SH3GL3: variants seen among roughly 807,000 people sequenced by gnomAD.
SH3GL3 encodes the protein SH3 domain containing GRB2 like 3, endophilin A3, also known as endophilin-A3.
In SH3GL3, 33 loss-of-function variants were observed where a neutral mutation model predicts 47.7. That is an observed-to-expected ratio of 0.69 (90% confidence interval 0.52 to 0.92). The LOEUF (loss-of-function observed/expected upper bound fraction) is 0.92, where lower values mean the gene tolerates loss of function less well. Ranked by LOEUF, SH3GL3 falls within the 40% of genes least tolerant of loss-of-function variation. The pLI is 0.00. For synonymous variants in SH3GL3, 155 were observed against 148.8 expected (o/e 1.04, Z -0.30); for missense variants, 363 against 417.8 (o/e 0.87, Z 1.14).
At chr15:83,595,618 GTTT>G (rs33947427) in intron 8 of SH3GL3, among the ~76,000 whole-genome samples, 74 of 144,192 alleles carry the variant, frequency 5.1e-4, no homozygotes, top group Middle Eastern at 3.6e-3. Context: ...GTTACTCCTT[GTTT>G]TTTTTTTTTT....
At chr15:83,585,765 G>A (rs2059938283) in intron 6 of SH3GL3, among the ~76,000 whole-genome samples, 1 of 152,178 alleles carries the variant, frequency 6.6e-6, no homozygotes, top group Non-Finnish European at 1.5e-5. Context: ...AACCCGACAG[G>A]ATTTCATTGT....
intron 1 of SH3GL3, among the ~76,000 whole-genome samples, chr15:83,456,373 C>A (rs1198516550): frequency 2.5e-5 from 1 of 39,994 alleles, no homozygotes; most frequent in Admixed American, 2.4e-4. Context: ...TTTACCTAAT[C>A]AAGCCTGGGC....
chr15:83,534,276 C>G (rs1596199448), intron 1 of SH3GL3, among the ~76,000 whole-genome samples: 1 of 152,180 alleles, frequency 6.6e-6, no homozygotes, highest in East Asian at 1.9e-4. Context: ...AAACTGTGAG[C>G]TAAATAAATA....
chr15:83,626,383 C>T, the SH3GL3 span, among the ~76,000 whole-genome samples: 473 of 152,302 alleles, frequency 3.1e-3, 6 homozygotes, highest in Non-Finnish European at 4.9e-3. Flanking sequence ...CTCCTGACCA[C>T]GCCATGACTT....
intron 1 of SH3GL3, among the ~76,000 whole-genome samples, chr15:83,494,645 C>T (rs148936236): frequency 0.011 from 1,741 of 151,498 alleles, 17 homozygotes; most frequent in Non-Finnish European, 0.015. Context: ...CGGGTTCAAG[C>T]GATTCTCCTG....
At chr15:83,568,694 T>TG in intron 4 of SH3GL3, 22 bp downstream of exon 4, 1 of 1,604,490 alleles carries the variant, frequency 6.2e-7, no homozygotes, top group Non-Finnish European at 8.5e-7. Context: ...AGAGATCAGC[T>TG]GGGGGAGCTG....
At chr15:83,555,443 G>T (rs2044899198) in intron 1 of SH3GL3, among the ~76,000 whole-genome samples, 2 of 152,108 alleles carry the variant, frequency 1.3e-5, no homozygotes, top group South Asian at 4.2e-4. Flanking sequence ...GATCTAGGAT[G>T]AATTTTAATT....
At chr15:83,538,527 A>G (rs190208329) in intron 1 of SH3GL3, among the ~76,000 whole-genome samples, 18 of 152,306 alleles carry the variant, frequency 1.2e-4, no homozygotes, top group Non-Finnish European at 1.6e-4. Context: ...AGTAACTACC[A>G]CACCAGCTTC....
chr15:83,497,068 A>G (rs1176524234), intron 1 of SH3GL3, among the ~76,000 whole-genome samples: 1 of 152,132 alleles, frequency 6.6e-6, no homozygotes, highest in Non-Finnish European at 1.5e-5. Flanking sequence ...CTTCTCTGCT[A>G]TACAGGGTCT....
At chr15:83,559,528 T>A (rs1467330070) in intron 2 of SH3GL3, among the ~76,000 whole-genome samples, 1 of 152,098 alleles carries the variant, frequency 6.6e-6, no homozygotes, top group South Asian at 2.1e-4. Flanking sequence ...GCAGGTCGAG[T>A]AATGAGATCG....
At chr15:83,563,795 T>C (rs1168408309) in intron 2 of SH3GL3, among the ~76,000 whole-genome samples, 2 of 152,094 alleles carry the variant, frequency 1.3e-5, no homozygotes, top group African/African-American at 4.8e-5. Flanking sequence ...CCCGTCATCA[T>C]GCCCGGCTAA....
the SH3GL3 span, among the ~76,000 whole-genome samples, chr15:83,630,336 A>G: frequency 2.6e-5 from 4 of 152,324 alleles, no homozygotes; most frequent in African/African-American, 9.6e-5. Context: ...GATCAATTGG[A>G]CTTCATTAAA....
At chr15:83,545,515 CTGGT>C (rs1302684168) in intron 1 of SH3GL3, among the ~76,000 whole-genome samples, 1 of 152,160 alleles carries the variant, frequency 6.6e-6, no homozygotes, top group African/African-American at 2.4e-5. Flanking sequence ...GAATTGGTCA[CTGGT>C]ACCTTATTTA....
At chr15:83,489,021 G>A (rs1464193768) in intron 1 of SH3GL3, among the ~76,000 whole-genome samples, 1 of 152,174 alleles carries the variant, frequency 6.6e-6, no homozygotes, top group African/African-American at 2.4e-5. Context: ...GTTGAATGGG[G>A]GTCCTGAGAG....
intron 1 of SH3GL3, among the ~76,000 whole-genome samples, chr15:83,476,531 C>G (rs2041106464): frequency 6.6e-6 from 1 of 152,056 alleles, no homozygotes. Context: ...GGCCCACTGC[C>G]TGTTTTATTG....
At chr15:83,497,732 A>G (rs1267625030) in intron 1 of SH3GL3, among the ~76,000 whole-genome samples, 2 of 152,182 alleles carry the variant, frequency 1.3e-5, no homozygotes, top group African/African-American at 4.8e-5. Context: ...AACCAATGTA[A>G]TCTACTGTCC....
chr15:83,487,855 T>A (rs988722605), intron 1 of SH3GL3, among the ~76,000 whole-genome samples: 13 of 151,652 alleles, frequency 8.6e-5, no homozygotes, highest in Non-Finnish European at 1.5e-4. Flanking sequence ...TTTCTTTTTT[T>A]AATTTTCTTT....
chr15:83,448,770 A>C lies in SH3GL3; in HGVS notation c.45+1192A>C, dbSNP rs1006130333. On this transcript the variant is annotated intron_variant, in intron 1 of 8. Coordinates refer to ENST00000427482, the MANE Select transcript of SH3GL3 (RefSeq NM_003027.5). This position sits in a 1 kb window ranked among gnomAD's most constrained non-coding sequence, Gnocchi z 4.2. ...TAGCCCCAGTTCCAGGCTGAAAGGC[A>C]CTGCTGTCCCCTCACTCACACTCTT... 3.3e-5 allele frequency among the ~76,000 whole-genome samples: 5 copies of C among 152,204 alleles called. No individual in the cohort carries two copies. Among genetic ancestry groups the C allele is most frequent in the African/African-American group, 1.2e-4 (5 of 41,450 alleles).
chr15:83,614,883 C>A (rs1156310220), intron 8 of SH3GL3, among the ~76,000 whole-genome samples: 1 of 152,150 alleles, frequency 6.6e-6, no homozygotes, highest in African/African-American at 2.4e-5. Context: ...ACCTCTCTAC[C>A]CCTCCCCAGG....
Sources: gnomAD v4.1 joint callset for allele counts (sites outside exome capture counted in the v4.1 genomes callset) on GRCh38, gnomAD v4.1.1 for gene constraint, Gnocchi (gnomAD v3.1) non-coding constraint, MANE v1.5 for transcripts, NCBI Gene and HGNC (gene_info 2026-07-23, HGNC 2026-07-21) for gene names.